The following EPB41L4B variants were observed in gnomAD, a reference collection of about 807,000 sequenced individuals.
EPB41L4B encodes band 4.1-like protein 4B.
In EPB41L4B, 30 loss-of-function variants were observed where a neutral mutation model predicts 112.5. The ratio of observed to expected loss-of-function variants is 0.27; its 90% CI spans 0.20 to 0.36. EPB41L4B has a LOEUF of 0.36. EPB41L4B is among the 10% of genes least tolerant of loss of function. The pLI is 1.00. For synonymous variants in EPB41L4B, 408 were observed against 439.7 expected (o/e 0.93, Z 0.90); for missense variants, 1,024 against 1,133.3 (o/e 0.90, Z 1.38).
At position 109,172,842 on chromosome 9, in the gene EPB41L4B, G is replaced by T. The variant is rs563771570; in HGVS notation, c.*1712C>A. ...TTTTACAACAATACTAGTAAATGAG[G>T]CATTACCTTTTTTTGTAGTCATTAG... On this transcript the variant is annotated 3_prime_UTR_variant, in exon 26 of 26. Transcript: ENST00000374566. The T allele has an allele frequency of 1.3e-5, 2 of 152,586 alleles. No individual in the cohort carries two copies. Among genetic ancestry groups the T allele is most frequent in the Non-Finnish European group, 2.9e-5 (2 of 68,030 alleles). 9.5% of individuals were successfully genotyped at this position (152,586 alleles called of 1,614,324 possible). A position where few individuals can be genotyped will look rare whatever the true frequency, so the allele number is the denominator to read the frequency against.
intron 2 of EPB41L4B, among the ~76,000 whole-genome samples, chr9:109,271,153 C>T (rs1466492139): frequency 1.3e-5 from 2 of 152,234 alleles, no homozygotes; most frequent in Admixed American, 1.3e-4. Flanking sequence ...AGGCAGACCA[C>T]AGCCAGATGC....
At chr9:109,263,773 C>A (rs1426728853) in intron 5 of EPB41L4B, among the ~76,000 whole-genome samples, 1 of 152,134 alleles carries the variant, frequency 6.6e-6, no homozygotes, top group Non-Finnish European at 1.5e-5. Context: ...ATAGGTGTTG[C>A]CAGTGAGCCC....
chr9:109,223,074 C>T (rs186722012), intron 15 of EPB41L4B, among the ~76,000 whole-genome samples: 70 of 152,230 alleles, frequency 4.6e-4, no homozygotes, highest in Non-Finnish European at 5.6e-4. Context: ...CCACATGTAC[C>T]CCCAACCAGA....
chr9:109,208,427 G>C (rs749638454), intron 17 of EPB41L4B, among the ~76,000 whole-genome samples: 1 of 152,156 alleles, frequency 6.6e-6, no homozygotes, highest in Non-Finnish European at 1.5e-5. Flanking sequence ...TCAATTCTGT[G>C]ACTTGTTGGG....
chr9:109,312,519 C>G (rs534842279), intron 1 of EPB41L4B, among the ~76,000 whole-genome samples: 5 of 152,150 alleles, frequency 3.3e-5, no homozygotes, highest in African/African-American at 7.2e-5. Context: ...TCCCACCCCC[C>G]TCGCCCAGCT....
chr9:109,276,683 G>T (rs577478823), intron 2 of EPB41L4B, among the ~76,000 whole-genome samples: 5 of 152,324 alleles, frequency 3.3e-5, no homozygotes, highest in Middle Eastern at 3.4e-3. Flanking sequence ...ACAGTGACAG[G>T]GCACTGGCGG....
rs968091996 is a variant in EPB41L4B, at chr9:109,320,311, A to C, written c.136T>G (p.Ser46Ala). The C allele has an allele frequency of 9.6e-5, 97 of 1,013,130 alleles. No homozygotes were observed. In the East Asian group the frequency reaches 1.2e-3, roughly 12 times the overall value. The allele number at this position is 1,013,130 out of a possible 1,614,324, so 62.8% of individuals were successfully genotyped here. ...GPRGGPAAAA[S>A]SSALPAAPGG... ...GGCGCGGCGGGCAGCGCCGAGGAGGAGGCGGCGGCGGCCGGGCCCCCCCGT... is the reference window on the plus strand; with the variant it reads ...GGCGCGGCGGGCAGCGCCGAGGAGGCGGCGGCGGCGGCCGGGCCCCCCCGT... Residue 46 changes from serine (S) to alanine (A), a missense_variant, in exon 1 of 26, where the codon TCC becomes GCC. Ser to Ala is a moderately conservative substitution (Grantham distance 99). Coordinates refer to ENST00000374566, the MANE Select transcript of EPB41L4B (RefSeq NM_019114.5).
At chr9:109,299,470 G>A (rs1478325402) in intron 1 of EPB41L4B, among the ~76,000 whole-genome samples, 1 of 152,076 alleles carries the variant, frequency 6.6e-6, no homozygotes, top group African/African-American at 2.4e-5. Context: ...TGAGATGGTG[G>A]GGCGGGTCTT....
In EPB41L4B at chr9:109,258,207, A is replaced by T; in HGVS notation, c.722T>A (p.Phe241Tyr). 6.2e-7 allele frequency: 1 copy of T among 1,613,960 alleles called. No homozygotes were observed. The highest frequency in any genetic ancestry group is 8.5e-7 in the Non-Finnish European group (1 of 1,179,834). Reference sequence around the variant, plus strand: ...CTCTTTCCATCTCTGGAAGATATCAAATTCCATTGCTTCTGTCTGATTTGG... The same window carrying T: ...CTCTTTCCATCTCTGGAAGATATCATATTCCATTGCTTCTGTCTGATTTGG... ...FIPNQTEAME[F>Y]DIFQRWKECR... Residue 241 changes from phenylalanine (F) to tyrosine (Y), a missense_variant, in exon 7 of 26, where the codon TTT becomes TAT. By Grantham distance (22) the Phe-to-Tyr change is conservative. Coordinates refer to ENST00000374566, the MANE Select transcript of EPB41L4B (RefSeq NM_019114.5).
At chr9:109,228,094 G>A (rs577760417) in intron 15 of EPB41L4B, among the ~76,000 whole-genome samples, 1 of 152,218 alleles carries the variant, frequency 6.6e-6, no homozygotes, top group South Asian at 2.1e-4. Context: ...GAATAATATT[G>A]AATATCAGCA....
At chr9:109,209,290 C>A (rs1002437027) in intron 17 of EPB41L4B, among the ~76,000 whole-genome samples, 1 of 151,910 alleles carries the variant, frequency 6.6e-6, no homozygotes, top group Non-Finnish European at 1.5e-5. Context: ...GCAGAACTTT[C>A]CAATTTTATG....
At chr9:109,286,329 C>A (rs961345156) in intron 1 of EPB41L4B, among the ~76,000 whole-genome samples, 2 of 152,056 alleles carry the variant, frequency 1.3e-5, no homozygotes, top group East Asian at 1.9e-4. Context: ...CATGCTACAA[C>A]ACTGACAACA....
chr9:109,268,969 T>C (rs1835512914), intron 2 of EPB41L4B, among the ~76,000 whole-genome samples: 1 of 151,894 alleles, frequency 6.6e-6, no homozygotes, highest in African/African-American at 2.4e-5. Context: ...CTCCCTAGTT[T>C]CTGGAAGTTT....
chr9:109,293,650 C>T (rs1352408041), intron 1 of EPB41L4B, among the ~76,000 whole-genome samples: 1 of 146,690 alleles, frequency 6.8e-6, no homozygotes. Flanking sequence ...TCCTAAAGTG[C>T]TGAGATTACA....
At chr9:109,294,672 CTGTGTG>C (rs56261244) in intron 1 of EPB41L4B, among the ~76,000 whole-genome samples, 56,507 of 147,762 alleles carry the variant, frequency 0.38, 12,243 homozygotes, top group African/African-American at 0.61. Flanking sequence ...GATATTGTGG[CTGTGTG>C]TGTGTGTGTG....
At chr9:109,213,869 G>A (rs1463511954) in intron 16 of EPB41L4B, 51 bp from the exon 17 acceptor site, 1 of 1,538,434 alleles carries the variant, frequency 6.5e-7, no homozygotes. Flanking sequence ...AGGACAGATA[G>A]ATACAGGGGA....
intron 4 of EPB41L4B, 134 bp from the exon 5 acceptor site, chr9:109,265,158 G>A: frequency 1.5e-6 from 1 of 676,998 alleles, no homozygotes; most frequent in African/African-American, 1.8e-5. Context: ...CAAATCAAAT[G>A]AGAACTTTGG....
intron 22 of EPB41L4B, among the ~76,000 whole-genome samples, chr9:109,186,156 G>A (rs556921635): frequency 6.6e-6 from 1 of 152,084 alleles, no homozygotes; most frequent in South Asian, 2.1e-4. Flanking sequence ...GAGGGCACCA[G>A]GAAAGAAATA....
At chr9:109,242,327 G>A (rs1834381549) in intron 15 of EPB41L4B, among the ~76,000 whole-genome samples, 1 of 152,216 alleles carries the variant, frequency 6.6e-6, no homozygotes, top group South Asian at 2.1e-4. Context: ...TGACACTAAA[G>A]CTGCCAACAG....
Sources: allele counts gnomAD v4.1 joint callset (sites outside exome capture counted in the v4.1 genomes callset), GRCh38; gene constraint gnomAD v4.1.1; transcripts MANE v1.5; gene names NCBI Gene and HGNC (gene_info 2026-07-23, HGNC 2026-07-21).